FRMD4B: variants seen among roughly 807,000 people sequenced by gnomAD.
FRMD4B encodes FERM domain containing 4B.
A neutral mutation model predicts 141.5 loss-of-function variants in FRMD4B; 74 were observed. That is an observed-to-expected ratio of 0.52 (90% CI 0.43 to 0.63). FRMD4B has a LOEUF of 0.63. Ranked by LOEUF, FRMD4B falls within the 30% of genes least tolerant of loss-of-function variation. The probability of loss-of-function intolerance (pLI) is 0.00; values close to 1 mark genes in which losing one functional copy is unlikely to be tolerated. For missense variants in FRMD4B, 1,366 were observed against 1,253.4 expected, an observed-to-expected ratio of 1.09 and a Z score of -1.36; for synonymous variants, 506 against 467.9, an observed-to-expected ratio of 1.08 and a Z score of -1.05.
chr3:69,397,995 A>G (rs1704500174), intron 2 of FRMD4B, among the ~76,000 whole-genome samples: 1 of 152,214 alleles, frequency 6.6e-6, no homozygotes, highest in Admixed American at 6.5e-5. Flanking sequence ...ATCTTCAGAA[A>G]GAAGGTGTTC....
At chr3:69,507,312 T>C (rs926408929) in intron 1 of FRMD4B, among the ~76,000 whole-genome samples, 1 of 152,206 alleles carries the variant, frequency 6.6e-6, no homozygotes, top group Non-Finnish European at 1.5e-5. Flanking sequence ...GAAACAACTA[T>C]TGATTTCAAG....
intron 5 of FRMD4B, among the ~76,000 whole-genome samples, chr3:69,275,975 C>T (rs988718745): frequency 7.2e-5 from 11 of 152,016 alleles, no homozygotes; most frequent in African/African-American, 1.4e-4. Flanking sequence ...AAGTTAGAAA[C>T]AATAATACTA....
chr3:69,482,805 C>T (rs930843609), intron 1 of FRMD4B, among the ~76,000 whole-genome samples: 4 of 152,204 alleles, frequency 2.6e-5, no homozygotes, highest in South Asian at 2.1e-4. Context: ...TAAATAACAT[C>T]GCATCCCAGG....
At chr3:69,289,668 G>A (rs1356827693) in intron 4 of FRMD4B, among the ~76,000 whole-genome samples, 4 of 152,032 alleles carry the variant, frequency 2.6e-5, no homozygotes, top group Admixed American at 6.6e-5. Context: ...GGTGGCGGGC[G>A]GGCACCTGTA....
At chr3:69,348,018 C>T (rs1696525452) in intron 1 of FRMD4B, among the ~76,000 whole-genome samples, 2 of 151,970 alleles carry the variant, frequency 1.3e-5, no homozygotes, top group African/African-American at 4.8e-5. Context: ...CACTAAAAAC[C>T]CTTCAAAAAA....
intron 5 of FRMD4B, among the ~76,000 whole-genome samples, chr3:69,274,028 A>G (rs1250887077): frequency 1.3e-5 from 2 of 152,144 alleles, no homozygotes; most frequent in Non-Finnish European, 1.5e-5. Context: ...GGCATTCAGC[A>G]GAAAGACAAG....
chr3:69,416,093 T>G (rs1345121930), intron 2 of FRMD4B, among the ~76,000 whole-genome samples: 1 of 152,212 alleles, frequency 6.6e-6, no homozygotes, highest in Non-Finnish European at 1.5e-5. Flanking sequence ...ACCAAGTAGC[T>G]CAAAGCTAAA....
At chr3:69,314,924 G>T (rs577703312) in intron 1 of FRMD4B, among the ~76,000 whole-genome samples, 1 of 152,280 alleles carries the variant, frequency 6.6e-6, no homozygotes, top group East Asian at 1.9e-4. Flanking sequence ...AGCTACTCAA[G>T]AGGCTGAGGT....
In FRMD4B at chr3:69,489,663, G is replaced by C. The variant is rs1000849751; in HGVS notation, c.-129+52543C>G. Among the ~76,000 whole-genome samples, 5 of 152,260 alleles carry C rather than the reference G, an allele frequency of 3.3e-5. No individual in the cohort carries two copies. The South Asian group carries it at 1.0e-3, about 32-fold the overall frequency. On this transcript the variant is annotated intron_variant, in intron 1 of 5. Coordinates refer to the FRMD4B transcript ENST00000459638. ...ATATGTAAAATGGTGCAGCCACTTTGGAAAAGTCTAGCAGTTCCTCAAAAA... is the reference window on the plus strand; with the variant it reads ...ATATGTAAAATGGTGCAGCCACTTTCGAAAAGTCTAGCAGTTCCTCAAAAA...
At chr3:69,226,980 G>A (rs547412149) in intron 7 of FRMD4B, among the ~76,000 whole-genome samples, 49 of 152,224 alleles carry the variant, frequency 3.2e-4, no homozygotes, top group African/African-American at 1.2e-3. Flanking sequence ...TTTAATACAT[G>A]TCTGCTAAAC....
chr3:69,242,311 T>C, intron 7 of FRMD4B, among the ~76,000 whole-genome samples: 1 of 151,978 alleles, frequency 6.6e-6, no homozygotes. Flanking sequence ...TTTTTATTAT[T>C]ATCATTGACG....
intron 1 of FRMD4B, among the ~76,000 whole-genome samples, chr3:69,455,653 A>C (rs766557910): frequency 1.3e-5 from 2 of 151,716 alleles, no homozygotes; most frequent in Non-Finnish European, 2.9e-5. Flanking sequence ...TTCATTCTTG[A>C]AGTCAGTGAG....
At chr3:69,456,074 C>T (rs949242262) in intron 1 of FRMD4B, among the ~76,000 whole-genome samples, 1 of 152,202 alleles carries the variant, frequency 6.6e-6, no homozygotes, top group Admixed American at 6.5e-5. Flanking sequence ...TGCCGAGTAT[C>T]TCTAAAGAAC....
chr3:69,350,280 T>A (rs1189900902), intron 1 of FRMD4B, among the ~76,000 whole-genome samples: 1 of 152,122 alleles, frequency 6.6e-6, no homozygotes, highest in Non-Finnish European at 1.5e-5. Flanking sequence ...TGAGATACCA[T>A]CTCACACCAG....
At chr3:69,215,645 T>C (rs7640502) in intron 11 of FRMD4B, among the ~76,000 whole-genome samples, 17,041 of 152,006 alleles carry the variant, frequency 0.11, 1,073 homozygotes, top group African/African-American at 0.17. Flanking sequence ...AAAGCAGACA[T>C]GTTCACTGCA....
intron 17 of FRMD4B, among the ~76,000 whole-genome samples, chr3:69,190,202 T>C (rs917310980): frequency 3.9e-5 from 6 of 152,182 alleles, no homozygotes; most frequent in African/African-American, 1.2e-4. Flanking sequence ...GGAGTGCTGG[T>C]TTTAAACTAG....
intron 1 of FRMD4B, among the ~76,000 whole-genome samples, chr3:69,436,205 T>G (rs528191802): frequency 4.6e-4 from 70 of 152,318 alleles, no homozygotes; most frequent in Non-Finnish European, 8.8e-4. Context: ...ATATATGCAA[T>G]CTCTAATGAT....
upstream of FRMD4B, among the ~76,000 whole-genome samples, chr3:69,390,580 A>G (rs11128128): frequency 3.9e-5 from 6 of 151,908 alleles, no homozygotes; most frequent in Non-Finnish European, 8.8e-5. Context: ...CAGAGGTCAG[A>G]GAACCCTGGT....
intron 1 of FRMD4B, among the ~76,000 whole-genome samples, chr3:69,511,362 G>T (rs1002687186): frequency 6.6e-6 from 1 of 152,062 alleles, no homozygotes; most frequent in Non-Finnish European, 1.5e-5. Flanking sequence ...CAGCCACTAT[G>T]CTAGGCCCTG....
Sources: gnomAD v4.1 joint callset for allele counts (sites outside exome capture counted in the v4.1 genomes callset) on GRCh38, gnomAD v4.1.1 for gene constraint, MANE v1.5 for transcripts, NCBI Gene and HGNC (gene_info 2026-07-23, HGNC 2026-07-21) for gene names.